Variants in HAUS6 observed in about 807,000 individuals in gnomAD.
The protein encoded by HAUS6 is HAUS augmin like complex subunit 6.
HAUS6 carries 80 observed loss-of-function variants against 106.8 expected under a neutral mutation model. That is an observed-to-expected ratio of 0.75 (90% CI 0.63 to 0.90). HAUS6 has a LOEUF of 0.90. HAUS6 is among the 40% of genes least tolerant of loss of function. The pLI is 0.00. For missense variants in HAUS6, 1,155 were observed against 1,118.1 expected, an observed-to-expected ratio of 1.03 and a Z score of -0.47; for synonymous variants, 356 against 379.1, an observed-to-expected ratio of 0.94 and a Z score of 0.71.
intron 3 of HAUS6, 76 bp from the exon 4 acceptor site, chr9:19,093,379 T>G (rs1218518919): frequency 7.8e-7 from 1 of 1,289,036 alleles, no homozygotes; most frequent in Non-Finnish European, 1.1e-6. Context: ...ACTATTTTTG[T>G]TAAAGGGTGT....
intron 1 of HAUS6, among the ~76,000 whole-genome samples, chr9:19,100,803 T>A (rs1469383379): frequency 6.6e-6 from 1 of 152,220 alleles, no homozygotes; most frequent in African/African-American, 2.4e-5. Flanking sequence ...TGGATGGGAC[T>A]GGAGGTCATT....
intron 1 of HAUS6, among the ~76,000 whole-genome samples, chr9:19,099,493 T>C (rs1015360778): frequency 6.6e-6 from 1 of 151,496 alleles, no homozygotes; most frequent in African/African-American, 2.4e-5. Context: ...AGACAGGGTC[T>C]CACTCTTGTT....
At chr9:19,099,875 A>T (rs971625472) in intron 1 of HAUS6, among the ~76,000 whole-genome samples, 8 of 152,154 alleles carry the variant, frequency 5.3e-5, no homozygotes, top group African/African-American at 1.9e-4. Flanking sequence ...CACAGTGAGA[A>T]CCCATCTCTA....
chr9:19,072,967 G>A lies in HAUS6; in HGVS notation c.1295-2667C>T, dbSNP rs553397980. On this transcript the variant is annotated intron_variant, in intron 11 of 16. Coordinates refer to ENST00000380502, the MANE Select transcript of HAUS6 (RefSeq NM_017645.5). ...TTTGAAAAATACAAACATTAACAAA[G>A]AACCTTTTGGAAGATAATAAAAAAT... 3.3e-5 allele frequency among the ~76,000 whole-genome samples: 5 copies of A among 151,828 alleles called. No individual in the cohort carries two copies. In the South Asian group the frequency reaches 1.0e-3, roughly 32 times the overall value.
rs3215021 is a variant in HAUS6, at chr9:19,053,326, ATT to A, written c.*3015_*3016del. 6.6e-6 allele frequency: 1 copy of A among 152,316 alleles called. No individual in the cohort carries two copies. Among genetic ancestry groups the A allele is most frequent in the East Asian group, 1.9e-4 (1 of 5,188 alleles). 9.4% of individuals were successfully genotyped at this position (152,316 alleles called of 1,614,324 possible). On this transcript the variant is annotated 3_prime_UTR_variant, in exon 17 of 17. Coordinates refer to ENST00000380502, the MANE Select transcript of HAUS6 (RefSeq NM_017645.5). Reference sequence around the variant, plus strand: ...GAAACATTTACTTCAATGCTTTTACATTGAGGAAAACGTCATTAAACGTATTT... The same window carrying A: ...GAAACATTTACTTCAATGCTTTTACAGAGGAAAACGTCATTAAACGTATTT...
chr9:19,065,306 C>A (rs1255236611), intron 12 of HAUS6, among the ~76,000 whole-genome samples: 1 of 152,140 alleles, frequency 6.6e-6, no homozygotes, highest in Non-Finnish European at 1.5e-5. Context: ...CTATGAAATC[C>A]TAGCACTGTA....
chr9:19,070,321 G>T (rs758795891), intron 11 of HAUS6, 21 bp from the exon 12 acceptor site: 5 of 1,281,644 alleles, frequency 3.9e-6, no homozygotes, highest in South Asian at 1.2e-5. Context: ...TTAAAAATTG[G>T]TTACTCTTTA....
intron 9 of HAUS6, among the ~76,000 whole-genome samples, chr9:19,079,982 C>G (rs2131131459): frequency 6.6e-6 from 1 of 151,572 alleles, no homozygotes; most frequent in South Asian, 2.1e-4. Flanking sequence ...CGAGACCAGC[C>G]TGACCAACAT....
At chr9:19,089,220 G>A (rs538389891) in intron 5 of HAUS6, among the ~76,000 whole-genome samples, 192 bp downstream of exon 5, 1 of 151,994 alleles carries the variant, frequency 6.6e-6, no homozygotes, top group South Asian at 2.1e-4. Flanking sequence ...TCCAGCCTAG[G>A]AGCCTGGGTG....
intron 6 of HAUS6, 42 bp from the exon 7 acceptor site, chr9:19,086,824 A>C: frequency 1.2e-6 from 1 of 832,788 alleles, no homozygotes; most frequent in Non-Finnish European, 2.0e-6. Flanking sequence ...ATTAAAAATC[A>C]CATGGTAATT....
rs761509371 is a variant in HAUS6, at chr9:19,063,535, G to C, written c.1422C>G (p.Asn474Lys). ...ATACCTTTTCAAGTACTGTAACACTGTTTCTATCTGATGATGAAACTGACT... is the reference window on the plus strand; with the variant it reads ...ATACCTTTTCAAGTACTGTAACACTCTTTCTATCTGATGATGAAACTGACT... ...LSQSVSSSDR[N>K]SVTVLEKDTK... Residue 474 changes from asparagine (N) to lysine (K), a missense_variant, in exon 13 of 17, where the codon AAC becomes AAG. Asn to Lys is a moderately conservative substitution (Grantham distance 94, BLOSUM62 0). This residue lies in a region of HAUS6 where 761 missense variants were observed against 690.0 expected (regional missense o/e 1.10). Coordinates refer to ENST00000380502, the MANE Select transcript of HAUS6 (RefSeq NM_017645.5). 6.3e-7 allele frequency: 1 copy of C among 1,595,824 alleles called. No individual in the cohort carries two copies. The highest frequency in any genetic ancestry group is 2.2e-5 in the East Asian group (1 of 44,762).
At position 19,074,651 on chromosome 9, in the gene HAUS6, C is replaced by A. The variant is rs575697910; in HGVS notation, c.1294+1951G>T. On this transcript the variant is annotated intron_variant, in intron 11 of 16. Transcript: ENST00000380502. ...TCTCTGGTCTATAATCTTTCCCAAC[C>A]AGTGTCCTCCCCAAATACACCTGAC... Among the ~76,000 whole-genome samples, 3 of 152,254 alleles carry A rather than the reference C, an allele frequency of 2.0e-5. No individual in the cohort carries two copies. In the East Asian group the frequency reaches 5.8e-4, roughly 29 times the overall value.
rs564239108 is a variant in HAUS6, at chr9:19,077,292, T to G, written c.1192-588A>C. Among the ~76,000 whole-genome samples, 259 of 152,294 alleles carry G rather than the reference T, an allele frequency of 1.7e-3. 3 individuals carry two copies. Among genetic ancestry groups the G allele is most frequent in the African/African-American group, 6.0e-3 (249 of 41,572 alleles). On this transcript the variant is annotated intron_variant, in intron 10 of 16. Coordinates refer to ENST00000380502, the MANE Select transcript of HAUS6 (RefSeq NM_017645.5). ...GCTCACGCCCATAATCCCAGCACTT[T>G]GGGAGGCAGAGGCAGGTGGATCACC...
intron 12 of HAUS6, among the ~76,000 whole-genome samples, chr9:19,065,438 C>G (rs1418325644): frequency 6.6e-6 from 1 of 152,094 alleles, no homozygotes; most frequent in Non-Finnish European, 1.5e-5. Context: ...TTCAAGTCTA[C>G]AAATAAATGT....
At chr9:19,095,977 G>A (rs923397328) in intron 2 of HAUS6, among the ~76,000 whole-genome samples, 5 of 151,944 alleles carry the variant, frequency 3.3e-5, no homozygotes, top group African/African-American at 7.3e-5. Flanking sequence ...ACTGCCTATA[G>A]GAAAAGTAGT....
At chr9:19,065,447 G>A (rs927473996) in intron 12 of HAUS6, among the ~76,000 whole-genome samples, 1 of 152,198 alleles carries the variant, frequency 6.6e-6, no homozygotes, top group African/African-American at 2.4e-5. Context: ...ACAAATAAAT[G>A]TAGTGTTACA....
chr9:19,068,320 T>G (rs112726130), intron 12 of HAUS6, among the ~76,000 whole-genome samples: 19,989 of 151,348 alleles, frequency 0.13, 1,378 homozygotes, highest in South Asian at 0.17. Context: ...CAAATCCAGA[T>G]AGACTAAAAT....
At chr9:19,087,294 CTCTT>C (rs1837321226) in intron 5 of HAUS6, 138 bp from the exon 6 acceptor site, 4 of 626,054 alleles carry the variant, frequency 6.4e-6, no homozygotes, top group South Asian at 4.1e-5. Context: ...ACTCTAGACT[CTCTT>C]TATCACACAA....
Position 19,058,336 on chromosome 9 carries a change from T to C in HAUS6, c.2431A>G (p.Thr811Ala), listed in dbSNP as rs1180261363. ...LEPNSPMHGG[T>A]LLEDVVGGRQ... ...CCTCCCACAACATCTTCTAGAAGAG[T>C]GCCACCATGCATAGGACTATTTGGC... Residue 811 changes from threonine to alanine, a missense_variant, in exon 16 of 17, where the codon ACT (threonine) becomes GCT (alanine). By Grantham distance (58) the Thr-to-Ala change is moderately conservative. Transcript: ENST00000380502. 1 of 1,613,692 alleles carries C rather than the reference T, an allele frequency of 6.2e-7. No individual in the cohort carries two copies. Among genetic ancestry groups the C allele is most frequent in the Non-Finnish European group, 8.5e-7 (1 of 1,179,786 alleles).
Sources: allele counts gnomAD v4.1 joint callset (sites outside exome capture counted in the v4.1 genomes callset), GRCh38; gene constraint gnomAD v4.1.1; regional missense constraint gnomAD v4.1.1; transcripts MANE v1.5; gene names NCBI Gene and HGNC (gene_info 2026-07-23, HGNC 2026-07-21).